Variants in KHDRBS2 observed in about 807,000 individuals in gnomAD.
KHDRBS2 encodes KH domain-containing, RNA-binding, signal transduction-associated protein 2.
In KHDRBS2, 26 loss-of-function variants were observed where a neutral mutation model predicts 44.3. The observed-to-expected ratio is 0.59, with a 90% CI of 0.43 to 0.81. The LOEUF (loss-of-function observed/expected upper bound fraction) is 0.81, where lower values mean the gene tolerates loss of function less well. KHDRBS2 is among the 40% of genes least tolerant of loss of function. The pLI is 0.00. For missense variants in KHDRBS2, 476 were observed against 433.1 expected (o/e 1.10, Z -0.88); for synonymous variants, 194 against 151.1 (o/e 1.28, Z -2.08).
intron 1 of KHDRBS2, among the ~76,000 whole-genome samples, chr6:62,238,895 A>G (rs1482421402): frequency 2.6e-5 from 4 of 152,188 alleles, no homozygotes; most frequent in Non-Finnish European, 5.9e-5. Flanking sequence ...TGGCTTATCT[A>G]TAATACTTTA....
At chr6:61,554,337 T>C in the KHDRBS2 span, among the ~76,000 whole-genome samples, 1 of 152,196 alleles carries the variant, frequency 6.6e-6, no homozygotes, top group African/African-American at 2.4e-5. Flanking sequence ...CCTGTTTTTT[T>C]TTCGGTTTCT....
chr6:61,847,105 C>A (rs1161986602), intron 6 of KHDRBS2, among the ~76,000 whole-genome samples: 2 of 151,914 alleles, frequency 1.3e-5, no homozygotes, highest in Non-Finnish European at 2.9e-5. Flanking sequence ...AGAAGTGGTT[C>A]TAACTTTATC....
intron 2 of KHDRBS2, among the ~76,000 whole-genome samples, chr6:62,165,240 C>CATTT (rs202136759): frequency 0.036 from 5,405 of 149,616 alleles, 121 homozygotes; most frequent in Middle Eastern, 0.061. Context: ...CATTCTAGTA[C>CATTT]ATTTATTTAT....
chr6:62,201,567 A>G (rs1826998037), intron 1 of KHDRBS2, among the ~76,000 whole-genome samples: 1 of 152,148 alleles, frequency 6.6e-6, no homozygotes, highest in Non-Finnish European at 1.5e-5. Context: ...TATATTAACA[A>G]TAGAAGACAG....
At chr6:61,780,725 T>C (rs1315168567) in intron 6 of KHDRBS2, among the ~76,000 whole-genome samples, 2 of 152,192 alleles carry the variant, frequency 1.3e-5, no homozygotes, top group Admixed American at 1.3e-4. Flanking sequence ...ATTATGGATC[T>C]TCTTTCTGAA....
At chr6:61,932,498 A>C (rs1216774932) in intron 4 of KHDRBS2, among the ~76,000 whole-genome samples, 1 of 152,104 alleles carries the variant, frequency 6.6e-6, no homozygotes, top group Non-Finnish European at 1.5e-5. Flanking sequence ...TTTAGATTCC[A>C]CGTAAGAGTG....
chr6:61,864,581 G>T (rs1797512358), intron 6 of KHDRBS2, among the ~76,000 whole-genome samples: 1 of 152,112 alleles, frequency 6.6e-6, no homozygotes, highest in South Asian at 2.1e-4. Flanking sequence ...CAAGAATTTT[G>T]AATATTAGCC....
intron 2 of KHDRBS2, among the ~76,000 whole-genome samples, chr6:62,085,544 C>T (rs1471992722): frequency 6.6e-6 from 1 of 152,046 alleles, no homozygotes; most frequent in South Asian, 2.1e-4. Context: ...ACAAAAATGA[C>T]TGCATCTCTA....
intron 7 of KHDRBS2, among the ~76,000 whole-genome samples, chr6:61,714,113 C>A (rs1330946744): frequency 1.3e-5 from 2 of 151,752 alleles, no homozygotes; most frequent in Non-Finnish European, 2.9e-5. Context: ...AGACAACCTG[C>A]AGAATGGGAG....
At chr6:61,752,943 T>A (rs139988781) in intron 6 of KHDRBS2, among the ~76,000 whole-genome samples, 91 of 152,206 alleles carry the variant, frequency 6.0e-4, no homozygotes, top group African/African-American at 1.7e-3. Context: ...ATTAATAGAA[T>A]AATAATAATT....
intron 1 of KHDRBS2, among the ~76,000 whole-genome samples, chr6:62,275,619 A>G (rs1840807940): frequency 1.3e-5 from 2 of 152,210 alleles, no homozygotes; most frequent in Non-Finnish European, 2.9e-5. Context: ...GGAGAAAATT[A>G]TTTTAAAGGA....
intron 6 of KHDRBS2, among the ~76,000 whole-genome samples, chr6:61,744,279 C>T (rs1776572244): frequency 6.6e-6 from 1 of 151,998 alleles, no homozygotes; most frequent in African/African-American, 2.4e-5. Flanking sequence ...CTACATCCCA[C>T]AGGGCAATGA....
chr6:62,134,302 C>A (rs1473250834), intron 2 of KHDRBS2, among the ~76,000 whole-genome samples: 5 of 152,192 alleles, frequency 3.3e-5, no homozygotes, highest in African/African-American at 1.2e-4. Context: ...TCAGAGGGTG[C>A]CAAGTCTTGG....
intron 6 of KHDRBS2, among the ~76,000 whole-genome samples, chr6:61,757,381 A>G (rs1778640583): frequency 6.6e-6 from 1 of 152,144 alleles, no homozygotes. Flanking sequence ...GTTTTGTCAC[A>G]TACTCCCCGT....
intron 6 of KHDRBS2, among the ~76,000 whole-genome samples, chr6:61,814,716 G>T (rs1207830736): frequency 2.0e-5 from 3 of 152,056 alleles, no homozygotes; most frequent in Non-Finnish European, 4.4e-5. Context: ...TGTGGTCAGG[G>T]GTGGGCATAA....
chr6:61,936,239 T>C (rs1810994227), intron 4 of KHDRBS2, among the ~76,000 whole-genome samples: 1 of 152,088 alleles, frequency 6.6e-6, no homozygotes, highest in African/African-American at 2.4e-5. Context: ...TGATCACATT[T>C]TCTTTCTTTT....
intron 3 of KHDRBS2, among the ~76,000 whole-genome samples, chr6:62,041,632 G>A (rs565832275): frequency 2.6e-5 from 4 of 152,186 alleles, no homozygotes; most frequent in Middle Eastern, 3.4e-3. Flanking sequence ...TATACAAGTA[G>A]CATTAATAAA....
chr6:61,993,177 C>T (rs1270278711), intron 3 of KHDRBS2, among the ~76,000 whole-genome samples: 2 of 152,044 alleles, frequency 1.3e-5, no homozygotes, highest in African/African-American at 4.8e-5. Flanking sequence ...ATAGGCTCCC[C>T]ATAATACTTT....
At chr6:61,941,582 G>A (rs533409178) in intron 4 of KHDRBS2, among the ~76,000 whole-genome samples, 29 of 152,092 alleles carry the variant, frequency 1.9e-4, no homozygotes, top group Middle Eastern at 3.4e-3. Flanking sequence ...GCTGCAGTCC[G>A]CAGGAAAACT....
Sources: allele counts gnomAD v4.1 joint callset (sites outside exome capture counted in the v4.1 genomes callset), GRCh38; gene constraint gnomAD v4.1.1; transcripts MANE v1.5; gene names NCBI Gene and HGNC (gene_info 2026-07-23, HGNC 2026-07-21).